Variants in UNC13D observed in about 807,000 individuals in gnomAD.
UNC13D encodes the protein protein unc-13 homolog D.
In UNC13D, 115 loss-of-function variants were observed where a neutral mutation model predicts 151.7. The ratio of observed to expected loss-of-function variants is 0.76; its 90% CI spans 0.65 to 0.88. The LOEUF is 0.88. Ranked by LOEUF, UNC13D falls within the 40% of genes least tolerant of loss-of-function variation. UNC13D has a pLI of 0.00. For synonymous variants in UNC13D, 588 were observed against 612.2 expected (o/e 0.96, Z 0.58); for missense variants, 1,369 against 1,438.7 (o/e 0.95, Z 0.78).
Position 75,832,850 on chromosome 17 carries a change from C to T in UNC13D, c.2447+116G>A, listed in dbSNP as rs112375620. On this transcript the variant is annotated intron_variant, in intron 25 of 31. Coordinates refer to ENST00000207549, the MANE Select transcript of UNC13D (RefSeq NM_199242.3). This position sits in a 1 kb window ranked among gnomAD's most constrained non-coding sequence, Gnocchi z 4.3. ...GGAGGAGAGGGGGAGGTGGCGAGCG[C>T]GCCCAGGGCAGGGGCTGCTACACCC... 15 of 1,015,346 alleles carry T rather than the reference C, an allele frequency of 1.5e-5. No individual in the cohort carries two copies. The highest frequency in any genetic ancestry group is 2.7e-5 in the East Asian group (1 of 36,664). The allele number at this position is 1,015,346 out of a possible 1,614,324, so 62.9% of individuals were successfully genotyped here. A position where few individuals can be genotyped will look rare whatever the true frequency, so the allele number is the denominator to read the frequency against.
rs1015309480 is a variant in UNC13D at position 75,837,072 on chromosome 17, G to GT, written c.1056-155dup. Among the ~76,000 whole-genome samples the GT allele has an allele frequency of 3.5e-3, 516 of 146,538 alleles. 2 individuals carry two copies. The highest frequency in any genetic ancestry group is 9.8e-3 in the African/African-American group (394 of 40,238). On this transcript the variant is annotated intron_variant, in intron 12 of 31. Coordinates refer to ENST00000207549, the MANE Select transcript of UNC13D (RefSeq NM_199242.3). ...ACATGCAGGATTGTTTTTGTTTTGT[G>GT]TTTTTTTTTTTGAGATGTAGTCTCA...
At position 75,827,651 on chromosome 17, in the gene UNC13D, C is replaced by T; in HGVS notation, c.*314G>A. 4 of 1,534,590 alleles carry T rather than the reference C, an allele frequency of 2.6e-6. No individual in the cohort carries two copies. The highest frequency in any genetic ancestry group is 3.5e-6 in the Non-Finnish European group (4 of 1,146,094). ...GGGCCAGGGCCAGGAGACAGATGGCCCAATCCCCTGCCCACCACAGCAGCT... is the reference window on the plus strand; with the variant it reads ...GGGCCAGGGCCAGGAGACAGATGGCTCAATCCCCTGCCCACCACAGCAGCT... On this transcript the variant is annotated 3_prime_UTR_variant, in exon 32 of 32. Transcript: ENST00000207549.
chr17:75,838,655 T>C (rs2064925672), intron 12 of UNC13D, among the ~76,000 whole-genome samples: 2 of 152,210 alleles, frequency 1.3e-5, no homozygotes, highest in Admixed American at 1.3e-4. Context: ...TTTTGCTGAG[T>C]TGAAGGCTAT....
chr17:75,844,034 C>T, intron 1 of UNC13D, 187 bp downstream of exon 1: 1 of 1,436,386 alleles, frequency 7.0e-7, no homozygotes, highest in East Asian at 2.5e-5. Context: ...CCCACAGTGG[C>T]CCAGAGTCCA....
intron 25 of UNC13D, 107 bp from the exon 26 acceptor site, chr17:75,831,455 C>G: frequency 1.0e-6 from 1 of 991,518 alleles, no homozygotes; most frequent in East Asian, 2.6e-5. Flanking sequence ...CAGCCCCACC[C>G]CAGCTCCTCC....
chr17:75,838,374 A>G (rs113356006), intron 12 of UNC13D, among the ~76,000 whole-genome samples: 1,711 of 151,778 alleles, frequency 0.011, 29 homozygotes, highest in African/African-American at 0.04. Flanking sequence ...ATGCGCCCCC[A>G]CACCTGACTA....
intron 20 of UNC13D, 94 bp downstream of exon 20, chr17:75,835,315 G>C: frequency 6.6e-7 from 1 of 1,517,342 alleles, no homozygotes; most frequent in East Asian, 2.3e-5. Context: ...TTCAGAGCGG[G>C]TTACTGGCTT....
chr17:75,835,374 C>A, intron 20 of UNC13D, 35 bp downstream of exon 20: 1 of 1,604,584 alleles, frequency 6.2e-7, no homozygotes, highest in Non-Finnish European at 8.5e-7. Context: ...ACCCCCAAAC[C>A]GGGGCCCCGC....
intron 15 of UNC13D, 40 bp from the exon 16 acceptor site, chr17:75,836,296 G>A (rs1250086344): frequency 3.1e-6 from 5 of 1,613,066 alleles, no homozygotes; most frequent in Non-Finnish European, 4.2e-6. Context: ...GGACTGCCAG[G>A]CCCAGGCGCT....
chr17:75,843,612 G>A (rs1000551360), intron 1 of UNC13D, 93 bp from the exon 2 acceptor site: 4 of 1,555,764 alleles, frequency 2.6e-6, no homozygotes, highest in Middle Eastern at 2.1e-4. Flanking sequence ...TCCAGGCCAA[G>A]GGTATGGGGG....
At chr17:75,831,710 C>A (rs2064873875) in intron 25 of UNC13D, 1 of 294,552 alleles carries the variant, frequency 3.4e-6, no homozygotes, top group African/African-American at 2.1e-5. Context: ...CGCCTGTAAT[C>A]CCAGCACTTT....
chr17:75,841,433 G>A (rs141709041), intron 6 of UNC13D, among the ~76,000 whole-genome samples: 3,436 of 141,640 alleles, frequency 0.024, 49 homozygotes, highest in African/African-American at 0.03. Flanking sequence ...GTGAGCCACC[G>A]CGCCCAGCCT....
intron 23 of UNC13D, 77 bp downstream of exon 23, chr17:75,834,248 C>A (rs2064890977): frequency 1.9e-6 from 3 of 1,584,718 alleles, no homozygotes; most frequent in Non-Finnish European, 2.6e-6. Flanking sequence ...AGGGTTGGAC[C>A]TTGGCCCAGG....
Position 75,830,522 on chromosome 17 carries a change from C to A in UNC13D, c.2710-40G>T, listed in dbSNP as rs763205805. The A allele has an allele frequency of 6.9e-6, 11 of 1,583,092 alleles. No individual in the cohort carries two copies. In the Admixed American group the frequency reaches 1.5e-4, roughly 21 times the overall value. On this transcript the variant is annotated intron_variant, in intron 28 of 31. Transcript: ENST00000207549. ...AGGGGCAGGGTCAGCAGGGTCACAG[C>A]GGGAGCGGGGTGCTCCAGGGCCTGC...
chr17:75,843,064 C>T lies in UNC13D; in HGVS notation c.271G>A (p.Val91Met), dbSNP rs374308904. The change falls in exon 4 of 32, where the codon GTG becomes ATG. Residue 91 changes from valine (V) to methionine (M), a missense_variant. By Grantham distance (21) the Val-to-Met change is conservative (BLOSUM62 1). Coordinates refer to ENST00000207549, the MANE Select transcript of UNC13D (RefSeq NM_199242.3). Reference sequence around the variant, plus strand: ...GTCTGCTGGTGCTCCTCGGGCTCCACGTGGAAGGCCTGGTGGGGAGGCAGG... The same window carrying T: ...GTCTGCTGGTGCTCCTCGGGCTCCATGTGGAAGGCCTGGTGGGGAGGCAGG... ...LLRYLQEAFH[V>M]EPEEHQQTLQ... 24 of 1,387,678 alleles carry T rather than the reference C, an allele frequency of 1.7e-5. 1 individual carries two copies. The highest frequency in any genetic ancestry group is 9.5e-5 in the East Asian group (3 of 31,444). The allele number at this position is 1,387,678 out of a possible 1,614,324, so 86.0% of individuals were successfully genotyped here. A position where few individuals can be genotyped will look rare whatever the true frequency, so the allele number is the denominator to read the frequency against.
chr17:75,843,722 T>C (rs1219781806), intron 1 of UNC13D: 9 of 1,442,562 alleles, frequency 6.2e-6, no homozygotes, highest in Non-Finnish European at 8.2e-6. Flanking sequence ...CTGAGGTCCA[T>C]GGGTGCCCAG....
At position 75,840,524 on chromosome 17, in the gene UNC13D, C is replaced by T. The variant is rs1006825019; in HGVS notation, c.736G>A (p.Val246Met). 1 of 1,614,052 alleles carries T rather than the reference C, an allele frequency of 6.2e-7. No individual in the cohort carries two copies. The highest frequency in any genetic ancestry group is 1.1e-5 in the South Asian group (1 of 91,080). The change falls in exon 9 of 32, where the codon GTG becomes ATG. Residue 246 changes from valine (V) to methionine (M), a missense_variant. Physicochemically the swap from Val to Met is conservative, Grantham distance 21. Around this residue, in one of 3 missense-constraint regions of UNC13D, gnomAD observed 550 missense variants for 609.0 expected, o/e 0.90. Coordinates refer to ENST00000207549, the MANE Select transcript of UNC13D (RefSeq NM_199242.3). The surrounding 1 kb of genome is among the most constrained non-coding windows in gnomAD (Gnocchi z 4.6). ...DKGQDDFLGN[V>M]VLRLQDLRCR... is the part of the protein sequence containing the mutation. ...CTCCTCACCTGCAGCCTCAGAACCA[C>T]GTTCCCCAGAAAGTCGTCCTGGCCT...
Position 75,828,827 on chromosome 17 carries a change from C to T in UNC13D, c.3111G>A (p.Val1037=). 6.4e-7 allele frequency: 1 copy of T among 1,565,616 alleles called. No homozygotes were observed. Among genetic ancestry groups the T allele is most frequent in the Non-Finnish European group, 8.6e-7 (1 of 1,158,278 alleles). ...ACGTGAGGGGCAGGCGGGTCTGAGG[C>T]ACCTCACCAGGCTCCTCAGAGCCAC... ...GLSGSEEPGE[V]PQTRLPLTYP... The change falls in exon 31 of 32, where the codon GTG becomes GTA. Residue 1037 remains valine, a synonymous_variant. Coordinates refer to ENST00000207549, the MANE Select transcript of UNC13D (RefSeq NM_199242.3).
chr17:75,838,961 G>T (rs1227127729), intron 12 of UNC13D, among the ~76,000 whole-genome samples: 1 of 152,218 alleles, frequency 6.6e-6, no homozygotes, highest in Admixed American at 6.5e-5. Context: ...TTAGCCGGGC[G>T]CGGTGGCTGG....
Sources: gnomAD v4.1 joint callset for allele counts (sites outside exome capture counted in the v4.1 genomes callset) on GRCh38, gnomAD v4.1.1 for gene constraint, gnomAD v4.1.1 regional missense constraint, Gnocchi (gnomAD v3.1) non-coding constraint, MANE v1.5 for transcripts, NCBI Gene and HGNC (gene_info 2026-07-23, HGNC 2026-07-21) for gene names.